PACS1: variants seen among roughly 807,000 people sequenced by gnomAD.
PACS1 encodes the protein phosphofurin acidic cluster sorting protein 1.
A neutral mutation model predicts 115.0 loss-of-function variants in PACS1; 24 were observed. The observed-to-expected ratio is 0.21, with a 90% CI of 0.15 to 0.29. PACS1 has a LOEUF of 0.29. Ranked by LOEUF, PACS1 falls within the 10% of genes least tolerant of loss-of-function variation. The probability of loss-of-function intolerance (pLI) is 1.00; values close to 1 mark genes in which losing one functional copy is unlikely to be tolerated. For synonymous variants in PACS1, 453 were observed against 504.5 expected (o/e 0.90, Z 1.37); for missense variants, 838 against 1,251.2 (o/e 0.67, Z 4.98).
chr11:66,123,519 T>A (rs1198724965), intron 1 of PACS1, among the ~76,000 whole-genome samples: 1 of 151,096 alleles, frequency 6.6e-6, no homozygotes, highest in Non-Finnish European at 1.5e-5. Flanking sequence ...TTTTTTATTT[T>A]ATTTATTTAT....
chr11:66,096,399 A>G (rs1241574792), intron 1 of PACS1, among the ~76,000 whole-genome samples: 1 of 151,040 alleles, frequency 6.6e-6, no homozygotes, highest in African/African-American at 2.4e-5. Context: ...TTTTATTTCC[A>G]AGTATTTCAT....
At position 66,230,249 on chromosome 11, in the gene PACS1, C is replaced by G. The variant is rs140218424; in HGVS notation, c.1375-299C>G. The G allele has an allele frequency of 1.7e-3, 658 of 396,040 alleles. 5 individuals are homozygous for G. The highest frequency in any genetic ancestry group is 0.013 in the African/African-American group (616 of 49,014). 24.5% of individuals were successfully genotyped at this position (396,040 alleles called of 1,614,324 possible). A position where few individuals can be genotyped will look rare whatever the true frequency, so the allele number is the denominator to read the frequency against. On this transcript the variant is annotated intron_variant, in intron 11 of 23. Transcript: ENST00000320580. ...CCAGGGAGATGCATCTAGGGGTCCC[C>G]TCTTCACTCCTGGAGACAGCAGATC...
chr11:66,073,290 A>G (rs1857342559), intron 1 of PACS1, among the ~76,000 whole-genome samples: 1 of 152,214 alleles, frequency 6.6e-6, no homozygotes, highest in African/African-American at 2.4e-5. Flanking sequence ...GTCCTTGTTC[A>G]TGTTGTTTAG....
intron 4 of PACS1, among the ~76,000 whole-genome samples, chr11:66,211,756 C>T (rs1374710902): frequency 2.6e-5 from 4 of 152,176 alleles, no homozygotes; most frequent in Non-Finnish European, 4.4e-5. Context: ...AGGACACTAA[C>T]GTTGAGATAA....
chr11:66,146,429 A>G lies in PACS1; in HGVS notation c.357-47057A>G, dbSNP rs76394027. ...CAGTAACTAAAATTAAAAATTCACTACAGGAATTCAACAGCAGATTTGAGA... is the reference window on the plus strand; with the variant it reads ...CAGTAACTAAAATTAAAAATTCACTGCAGGAATTCAACAGCAGATTTGAGA... On this transcript the variant is annotated intron_variant, in intron 1 of 23. Transcript: ENST00000320580. 2.4e-4 allele frequency among the ~76,000 whole-genome samples: 37 copies of G among 152,332 alleles called. No individual in the cohort carries two copies. The East Asian group carries it at 6.0e-3, about 25-fold the overall frequency.
intron 1 of PACS1, among the ~76,000 whole-genome samples, chr11:66,190,054 C>T (rs1218723041): frequency 6.6e-6 from 1 of 152,186 alleles, no homozygotes; most frequent in Non-Finnish European, 1.5e-5. Flanking sequence ...TCAGAGATTG[C>T]CAGTTTCCCA....
chr11:66,130,988 T>G (rs554798116), intron 1 of PACS1, among the ~76,000 whole-genome samples: 122 of 152,264 alleles, frequency 8.0e-4, no homozygotes, highest in Middle Eastern at 3.4e-3. Flanking sequence ...GGAGGATCGC[T>G]TGAGCCCAGG....
At chr11:66,179,937 C>T (rs1311288063) in intron 1 of PACS1, among the ~76,000 whole-genome samples, 4 of 151,998 alleles carry the variant, frequency 2.6e-5, no homozygotes, top group South Asian at 2.1e-4. Flanking sequence ...CTGCAACCTC[C>T]GCCTGCCAGG....
intron 2 of PACS1, among the ~76,000 whole-genome samples, chr11:66,206,104 C>T (rs886630893): frequency 1.3e-5 from 2 of 152,112 alleles, no homozygotes; most frequent in African/African-American, 4.8e-5. Context: ...GTTAAGATTG[C>T]ACCACTGCAC....
At chr11:66,208,455 A>G (rs1296975556) in intron 2 of PACS1, among the ~76,000 whole-genome samples, 1 of 152,094 alleles carries the variant, frequency 6.6e-6, no homozygotes, top group Non-Finnish European at 1.5e-5. Context: ...CCATCTCTAC[A>G]AATAAAAAAT....
intron 1 of PACS1, among the ~76,000 whole-genome samples, chr11:66,155,848 C>CA (rs1859339212): frequency 6.6e-6 from 1 of 152,030 alleles, no homozygotes; most frequent in Non-Finnish European, 1.5e-5. Flanking sequence ...AATGGATGAA[C>CA]AAACTGTGCT....
intron 1 of PACS1, among the ~76,000 whole-genome samples, chr11:66,164,542 TAGTG>T (rs1338107066): frequency 8.4e-6 from 1 of 118,394 alleles, no homozygotes; most frequent in East Asian, 3.0e-4. Context: ...CTGGGCAACA[TAGTG>T]AGATCACTGT....
intron 1 of PACS1, among the ~76,000 whole-genome samples, chr11:66,086,667 G>A (rs1254642288): frequency 3.3e-5 from 5 of 152,222 alleles, no homozygotes; most frequent in Non-Finnish European, 7.3e-5. Context: ...CCAGGCTGGA[G>A]TGTAGTAGTG....
chr11:66,155,233 AAGT>A (rs1859324389), intron 1 of PACS1, among the ~76,000 whole-genome samples: 1 of 152,218 alleles, frequency 6.6e-6, no homozygotes, highest in South Asian at 2.1e-4. Context: ...AAGATTTTCT[AAGT>A]AGGATACAAA....
At position 66,243,277 on chromosome 11, in the gene PACS1, C is replaced by A. The variant is rs994521054; in HGVS notation, c.2889C>A (p.Thr963=). 1.3e-6 allele frequency: 2 copies of A among 1,573,766 alleles called. No individual in the cohort carries two copies. Among genetic ancestry groups the A allele is most frequent in the South Asian group, 2.3e-5 (2 of 87,246 alleles). Residue 963 remains threonine (T), a synonymous_variant, in exon 24 of 24, where the codon ACC becomes ACA. Transcript: ENST00000320580. The part of the protein sequence containing the change: ...PVGLFSGSKA[T] The stretch of plus-strand genomic sequence containing the variant: ...GACTCTTCAGTGGCAGCAAGGCCAC[C>A]TGAGGCCCTGTCTCCCAGCCACTTT...
Position 66,218,144 on chromosome 11 carries a change from C to T in PACS1, c.978+1369C>T, listed in dbSNP as rs74521240. On this transcript the variant is annotated intron_variant, in intron 7 of 23. Transcript: ENST00000320580. ...TGACCTTCTGTGAACATGTCTCATG[C>T]TGCTCTGTCACTGGGAGCTCGACTT... The T allele has an allele frequency of 9.2e-3, 1,404 of 152,268 alleles. 84 individuals carry two copies. The East Asian group carries it at 0.17, about 19-fold the overall frequency. The allele number at this position is 152,268 out of a possible 1,614,324, so 9.4% of individuals were successfully genotyped here.
chr11:66,085,167 T>A (rs72934614), intron 1 of PACS1, among the ~76,000 whole-genome samples: 4,035 of 152,306 alleles, frequency 0.026, 75 homozygotes, highest in South Asian at 0.068. Context: ...TTTTCTTTTT[T>A]AATATTTTTT....
rs929977112 is a variant in PACS1 at position 66,171,484 on chromosome 11, T to G, written c.357-22002T>G. Among the ~76,000 whole-genome samples, 12 of 150,214 alleles carry G rather than the reference T, an allele frequency of 8.0e-5. 1 individual carries two copies. The highest frequency in any genetic ancestry group is 1.8e-4 in the African/African-American group (7 of 39,676). The stretch of plus-strand genomic sequence containing the variant: ...TTATGCTTTCTATTTGTTCTTTTTT[T>G]GGGGGGGCGGTGTCTCTATTTCTGG... On this transcript the variant is annotated intron_variant, in intron 1 of 23. Transcript: ENST00000320580.
chr11:66,202,745 ATAT>A (rs1854842253), intron 2 of PACS1, among the ~76,000 whole-genome samples: 502 of 30,668 alleles, frequency 0.016, 58 homozygotes, highest in South Asian at 0.045. Context: ...AAAAAAAAAT[ATAT>A]ATATATATAT....
Sources: gnomAD v4.1 joint callset for allele counts (sites outside exome capture counted in the v4.1 genomes callset) on GRCh38, gnomAD v4.1.1 for gene constraint, MANE v1.5 for transcripts, NCBI Gene and HGNC (gene_info 2026-07-23, HGNC 2026-07-21) for gene names.